MGAT5B: variants seen among roughly 807,000 people sequenced by gnomAD.
MGAT5B encodes N-acetylglucosaminyl-transferase Vb.
MGAT5B carries 54 observed loss-of-function variants against 95.1 expected under a neutral mutation model. That is an observed-to-expected ratio of 0.57 (90% confidence interval 0.46 to 0.71). The LOEUF is 0.71. MGAT5B is among the 30% of genes least tolerant of loss of function. The pLI is 0.00. For missense variants in MGAT5B, 935 were observed against 1,088.6 expected (o/e 0.86, Z 1.99); for synonymous variants, 464 against 451.0 (o/e 1.03, Z -0.36).
intron 3 of MGAT5B, among the ~76,000 whole-genome samples, chr17:76,898,016 A>G (rs1021140914): frequency 1.5e-4 from 23 of 151,646 alleles, no homozygotes; most frequent in African/African-American, 5.6e-4. Context: ...GGATTGTGTC[A>G]TTGCACTCCA....
chr17:76,886,998 C>T (rs532278512), intron 3 of MGAT5B, among the ~76,000 whole-genome samples: 354 of 152,208 alleles, frequency 2.3e-3, no homozygotes, highest in Non-Finnish European at 2.7e-3. Context: ...GAGCTGAGAT[C>T]GCACCATTGC....
At position 76,882,154 on chromosome 17, in the gene MGAT5B, TG is replaced by T. The variant is rs963709095; in HGVS notation, c.191del (p.Gly64AlafsTer11). On this transcript the variant is annotated frameshift_variant, in exon 3 of 18. Coordinates refer to ENST00000569840, the MANE Select transcript of MGAT5B (RefSeq NM_001199172.2). LOFTEE classifies it high-confidence loss of function. ...CATACCCACACTCTGCCCACAGTGA[TG>T]GGGGGCCCCGAGTCCCGCGGCGTCC... ...DSPFTIRTEV[M>X]GGPESRGVLR... 1.2e-6 allele frequency: 2 copies of T among 1,609,278 alleles called. No homozygotes were observed. The highest frequency in any genetic ancestry group is 1.7e-6 in the Non-Finnish European group (2 of 1,177,392).
At chr17:76,877,680 A>G (rs1967241864) in intron 2 of MGAT5B, among the ~76,000 whole-genome samples, 1 of 152,180 alleles carries the variant, frequency 6.6e-6, no homozygotes, top group African/African-American at 2.4e-5. Flanking sequence ...TTCTGCGGTG[A>G]GCGAGTACAG....
At chr17:76,900,682 A>G (rs1468386544) in intron 3 of MGAT5B, among the ~76,000 whole-genome samples, 1 of 152,256 alleles carries the variant, frequency 6.6e-6, no homozygotes, top group Non-Finnish European at 1.5e-5. Context: ...TCCAGCCTCC[A>G]GAGCTGCCAG....
chr17:76,933,423 T>C (rs1969558241), intron 12 of MGAT5B, 126 bp downstream of exon 12: 5 of 1,240,404 alleles, frequency 4.0e-6, no homozygotes, highest in Non-Finnish European at 5.7e-6. Context: ...GTGGCTCCTG[T>C]GGATGGACCA....
rs1045711982 is a variant in MGAT5B at position 76,869,470 on chromosome 17, G to A, written c.68+373G>A. On this transcript the variant is annotated intron_variant, in intron 1 of 17. Transcript: ENST00000569840. This position sits in a 1 kb window ranked among gnomAD's most constrained non-coding sequence, Gnocchi z 7.0. ...CCCCGCGGACGGTCCCATCCGGGTGGCAAAGTTAGTGTGCGGCGCCTTGGA... is the reference window on the plus strand; with the variant it reads ...CCCCGCGGACGGTCCCATCCGGGTGACAAAGTTAGTGTGCGGCGCCTTGGA... Among the ~76,000 whole-genome samples, 2 of 152,188 alleles carry A rather than the reference G, an allele frequency of 1.3e-5. No individual in the cohort carries two copies. Among genetic ancestry groups the A allele is most frequent in the East Asian group, 1.9e-4 (1 of 5,152 alleles).
Position 76,887,878 on chromosome 17 carries a change from T to C in MGAT5B, c.329+5580T>C, listed in dbSNP as rs553624811. 2.6e-5 allele frequency among the ~76,000 whole-genome samples: 4 copies of C among 151,966 alleles called. No individual in the cohort carries two copies. In the East Asian group the frequency reaches 7.8e-4, roughly 30 times the overall value. On this transcript the variant is annotated intron_variant, in intron 3 of 17. Transcript: ENST00000569840. ...GGCCCAGTGGGGTCTTTCTAAGTCA[T>C]CAATAAGTGTCCAGGTCCCTCCTCT...
intron 8 of MGAT5B, among the ~76,000 whole-genome samples, chr17:76,907,855 CTACACT>C (rs1779114866): frequency 6.6e-6 from 1 of 152,188 alleles, no homozygotes; most frequent in African/African-American, 2.4e-5. Context: ...ACATTCTCAC[CTACACT>C]TAGGGTTGTC....
rs764664313 is a variant in MGAT5B, at chr17:76,940,600, C to G, written c.1731+52C>G. ...ATCAGGAGGGGCCGGGACAGAGACCCCTGCAGGTCCTGGAAGAGGCAGACT... is the reference window on the plus strand; with the variant it reads ...ATCAGGAGGGGCCGGGACAGAGACCGCTGCAGGTCCTGGAAGAGGCAGACT... On this transcript the variant is annotated intron_variant, in intron 14 of 17. Coordinates refer to ENST00000569840, the MANE Select transcript of MGAT5B (RefSeq NM_001199172.2). The surrounding 1 kb of genome is among the most constrained non-coding windows in gnomAD (Gnocchi z 4.3). The G allele has an allele frequency of 1.6e-5, 25 of 1,585,172 alleles. No homozygotes were observed. The highest frequency in any genetic ancestry group is 2.1e-5 in the Non-Finnish European group (24 of 1,162,062).
chr17:76,907,854 C>T (rs1486081156), intron 8 of MGAT5B, among the ~76,000 whole-genome samples: 3 of 152,216 alleles, frequency 2.0e-5, no homozygotes, highest in South Asian at 2.1e-4. Flanking sequence ...CACATTCTCA[C>T]CTACACTTAG....
At chr17:76,894,721 G>T (rs185765681) in intron 3 of MGAT5B, among the ~76,000 whole-genome samples, 1 of 151,992 alleles carries the variant, frequency 6.6e-6, no homozygotes, top group African/African-American at 2.4e-5. Flanking sequence ...TGGGCGTTGT[G>T]GTGCACCTGT....
chr17:76,943,365 T>C (rs1020590129), intron 15 of MGAT5B, among the ~76,000 whole-genome samples: 3 of 152,028 alleles, frequency 2.0e-5, no homozygotes, highest in Non-Finnish European at 4.4e-5. Context: ...CTCCCTTCTG[T>C]GGGCCCCACC....
rs372420901 is a variant in MGAT5B, at chr17:76,882,194, C to T, written c.225C>T (p.Ser75=). ...PESRGVLRKM[S]DLLELMVKRM... ...CCCGCGGCGTCCTGCGCAAGATGAG[C>T]GACCTGCTGGAGCTGATGGTGAAGC... Residue 75 remains serine (S), a synonymous_variant, in exon 3 of 18, where the codon AGC becomes AGT. Coordinates refer to ENST00000569840, the MANE Select transcript of MGAT5B (RefSeq NM_001199172.2). 9.7e-5 allele frequency: 156 copies of T among 1,613,370 alleles called. 1 individual carries two copies. The Middle Eastern group carries it at 2.6e-3, about 27-fold the overall frequency.
intron 2 of MGAT5B, among the ~76,000 whole-genome samples, chr17:76,881,599 G>A (rs1339566190): frequency 6.6e-6 from 1 of 152,210 alleles, no homozygotes; most frequent in African/African-American, 2.4e-5. Flanking sequence ...CGGGCCCCGG[G>A]TCCTAGAGAG....
intron 15 of MGAT5B, among the ~76,000 whole-genome samples, chr17:76,942,513 C>T (rs938473652): frequency 6.6e-6 from 1 of 152,018 alleles, no homozygotes; most frequent in African/African-American, 2.4e-5. Flanking sequence ...GGTGACAGAG[C>T]GAGACTCCAT....
intron 10 of MGAT5B, among the ~76,000 whole-genome samples, chr17:76,931,748 G>A (rs35402888): frequency 0.35 from 53,843 of 152,102 alleles, 9,872 homozygotes; most frequent in Admixed American, 0.41. Context: ...ATGAGGAGGC[G>A]GCTGTCAGGG....
chr17:76,871,754 G>A (rs979920009), intron 1 of MGAT5B, among the ~76,000 whole-genome samples: 3 of 152,178 alleles, frequency 2.0e-5, no homozygotes, highest in Non-Finnish European at 4.4e-5. Context: ...CACACAAGAT[G>A]GGGTTCCTCA....
At chr17:76,887,211 C>G (rs938953611) in intron 3 of MGAT5B, among the ~76,000 whole-genome samples, 1 of 152,092 alleles carries the variant, frequency 6.6e-6, no homozygotes, top group African/African-American at 2.4e-5. Context: ...CTCAGGATCC[C>G]CTTCTCTCCC....
intron 3 of MGAT5B, among the ~76,000 whole-genome samples, chr17:76,886,315 G>A (rs1206580695): frequency 6.6e-6 from 1 of 152,216 alleles, no homozygotes; most frequent in Non-Finnish European, 1.5e-5. Context: ...GCCCAGCCTG[G>A]CCAGTGGCCC....
Sources: allele counts gnomAD v4.1 joint callset (sites outside exome capture counted in the v4.1 genomes callset), GRCh38; gene constraint gnomAD v4.1.1; non-coding constraint Gnocchi (gnomAD v3.1); transcripts MANE v1.5; gene names NCBI Gene and HGNC (gene_info 2026-07-23, HGNC 2026-07-21).